The following CROCC variants were observed in gnomAD, a reference collection of about 807,000 sequenced individuals.
CROCC encodes rootletin.
CROCC carries 180 observed loss-of-function variants against 245.2 expected under a neutral mutation model. That is an observed-to-expected ratio of 0.73 (90% CI 0.65 to 0.83). The LOEUF (loss-of-function observed/expected upper bound fraction) is 0.83. Among genes scored for constraint, CROCC ranks in the 40% least tolerant of loss-of-function variants. The probability of loss-of-function intolerance (pLI) is 0.00; values close to 1 mark genes in which losing one functional copy is unlikely to be tolerated. For missense variants in CROCC, 2,688 were observed against 2,779.4 expected (o/e 0.97, Z 0.74); for synonymous variants, 1,205 against 1,241.6 (o/e 0.97, Z 0.62).
At chr1:16,962,341 C>T (rs1010764946) in intron 27 of CROCC, among the ~76,000 whole-genome samples, 8 of 149,572 alleles carry the variant, frequency 5.3e-5, no homozygotes, top group African/African-American at 1.7e-4. Flanking sequence ...GTCAGGAGAT[C>T]GAGACCACAG....
chr1:16,930,576 G>A lies in CROCC; in HGVS notation c.831G>A (p.Ala277=), dbSNP rs374217321. 7.1e-4 allele frequency: 1,148 copies of A among 1,610,496 alleles called. No homozygotes were observed. Among genetic ancestry groups the A allele is most frequent in the South Asian group, 2.7e-3 (247 of 90,636 alleles). Residue 277 remains alanine (A), a synonymous_variant, in exon 7 of 37, where the codon GCG becomes GCA. Transcript: ENST00000375541. ...AGGAGCTGGAGCACCGGGAGGCGGC[G>A]TGGAGGCGCGAGGAGGAGGTGGGCA... ...CRKELEHREA[A]WRREEESFNA...
At chr1:16,939,511 G>T (rs2991723) in intron 12 of CROCC, among the ~76,000 whole-genome samples, 3 of 152,196 alleles carry the variant, frequency 2.0e-5, no homozygotes, top group Admixed American at 6.6e-5. Context: ...AGGGGAATCA[G>T]AGCTTGGGAA....
chr1:16,946,228 T>C (rs564269982), intron 15 of CROCC, 31 bp from the exon 16 acceptor site: 344 of 1,604,620 alleles, frequency 2.1e-4, no homozygotes, highest in Non-Finnish European at 2.7e-4. Context: ...CCTTTCTGCC[T>C]TTCCTCATTT....
At position 16,922,002 on chromosome 1, in the gene CROCC, C is replaced by T. The variant is rs754211720; in HGVS notation, c.-17C>T. 1.3e-6 allele frequency: 2 copies of T among 1,548,114 alleles called. No individual in the cohort carries two copies. Among genetic ancestry groups the T allele is most frequent in the South Asian group, 1.2e-5 (1 of 83,916 alleles). Reference sequence around the variant, plus strand: ...CCTGGAGAAGGGGGCTGGAGGCATGCCCACAGCCTCCCCCCCATGAGCTTG... The same window carrying T: ...CCTGGAGAAGGGGGCTGGAGGCATGTCCACAGCCTCCCCCCCATGAGCTTG... On this transcript the variant is annotated 5_prime_UTR_variant, in exon 1 of 37. Transcript: ENST00000375541.
chr1:16,943,401 G>C (rs1267746415), intron 13 of CROCC, among the ~76,000 whole-genome samples: 1 of 152,228 alleles, frequency 6.6e-6, no homozygotes, highest in Non-Finnish European at 1.5e-5. Context: ...ACCCGGACAT[G>C]GTGGCGGGCG....
At chr1:16,931,129 G>A (rs2075666863) in intron 7 of CROCC, among the ~76,000 whole-genome samples, 162 bp from the exon 8 acceptor site, 1 of 152,300 alleles carries the variant, frequency 6.6e-6, no homozygotes, top group Non-Finnish European at 1.5e-5. Context: ...AGGCTTGGGA[G>A]GCTGAGCATG....
At position 16,966,001 on chromosome 1, in the gene CROCC, C is replaced by A; in HGVS notation, c.4578C>A (p.Asp1526Glu). 1.2e-6 allele frequency: 2 copies of A among 1,612,162 alleles called. No homozygotes were observed. The highest frequency in any genetic ancestry group is 1.7e-6 in the Non-Finnish European group (2 of 1,178,620). The change falls in exon 29 of 37, where the codon GAC becomes GAA. Residue 1526 changes from aspartate to glutamate, a missense_variant and splice_region_variant. By Grantham distance (45) the Asp-to-Glu change is conservative. Around this residue, in one of 9 missense-constraint regions of CROCC, gnomAD observed 1,218 missense variants for 1,286.3 expected, o/e 0.95. Coordinates refer to ENST00000375541, the MANE Select transcript of CROCC (RefSeq NM_014675.5). The surrounding 1 kb of genome is among the most constrained non-coding windows in gnomAD (Gnocchi z 4.8). ...GTTCCCCCATGTCGGGGCTACAGGA[C>A]GAACTTCGGACCCAGACCAGTGCCC... ...QELRSAQRER[D>E]ELRTQTSALN...
chr1:16,921,035 C>T (rs1373079566), upstream of CROCC, among the ~76,000 whole-genome samples: 9 of 152,286 alleles, frequency 5.9e-5, no homozygotes, highest in Non-Finnish European at 1.0e-4. Flanking sequence ...TGAGTGCCTG[C>T]GCCTGGCTGG....
chr1:16,945,640 A>C (rs1322360414), intron 15 of CROCC, 34 bp downstream of exon 15: 1 of 1,598,380 alleles, frequency 6.3e-7, no homozygotes, highest in African/African-American at 1.3e-5. Flanking sequence ...CCACAAACCT[A>C]CCTCTGACCC....
At chr1:16,932,633 C>G (rs2075703090) in intron 8 of CROCC, among the ~76,000 whole-genome samples, 2 of 152,154 alleles carry the variant, frequency 1.3e-5, no homozygotes, top group Admixed American at 1.3e-4. Context: ...GCGCTCCAAG[C>G]AGGAGCAAGG....
chr1:16,970,263 A>T lies in CROCC; in HGVS notation c.5462A>T (p.Gln1821Leu), dbSNP rs2076492613. 7.7e-6 allele frequency: 12 copies of T among 1,557,472 alleles called. No individual in the cohort carries two copies. The highest frequency in any genetic ancestry group is 1.0e-5 in the Non-Finnish European group (12 of 1,147,280). Reference protein sequence around the residue: ...QLQQLREVLRQRQEGEAAALN... With the variant: ...QLQQLREVLRLRQEGEAAALN... ...TGGCTTCTGTTGCAGGTGCTGCGGC[A>T]GCGGCAGGAGGGTGAGGCTGCAGCC... The change falls in exon 34 of 37, where the codon CAG becomes CTG. Residue 1821 changes from glutamine (Q) to leucine (L), a missense_variant. By Grantham distance (113) the Gln-to-Leu change is moderately radical (BLOSUM62 -2). Transcript: ENST00000375541.
intron 1 of CROCC, among the ~76,000 whole-genome samples, chr1:16,915,021 CA>C (rs1473261440): frequency 6.6e-6 from 1 of 152,262 alleles, no homozygotes; most frequent in Non-Finnish European, 1.5e-5. Context: ...CTCCAGGAGT[CA>C]ACCCCTGGAT....
intron 13 of CROCC, among the ~76,000 whole-genome samples, 170 bp downstream of exon 13, chr1:16,940,263 G>A (rs542106184): frequency 6.6e-6 from 1 of 152,246 alleles, no homozygotes; most frequent in East Asian, 1.9e-4. Flanking sequence ...TCGCCCTGTC[G>A]CCCAGGCTGG....
At chr1:16,956,611 T>A (rs578187252) in intron 25 of CROCC, among the ~76,000 whole-genome samples, 1 of 152,234 alleles carries the variant, frequency 6.6e-6, no homozygotes, top group African/African-American at 2.4e-5. Context: ...CAGAGGGGTG[T>A]GGGTTCCAGT....
In CROCC at chr1:16,966,586, A is replaced by G. The variant is rs1048672761; in HGVS notation, c.4860+15A>G. The G allele has an allele frequency of 9.2e-5, 134 of 1,462,632 alleles. No individual in the cohort carries two copies. The highest frequency in any genetic ancestry group is 1.1e-4 in the Non-Finnish European group (126 of 1,109,752). The allele number at this position is 1,462,632 out of a possible 1,614,324, so 90.6% of individuals were successfully genotyped here. A position where few individuals can be genotyped will look rare whatever the true frequency, so the allele number is the denominator to read the frequency against. On this transcript the variant is annotated intron_variant, in intron 30 of 36. Transcript: ENST00000375541. The surrounding 1 kb of genome is among the most constrained non-coding windows in gnomAD (Gnocchi z 4.8). Reference sequence around the variant, plus strand: ...GGGCCAGCCAGGTGGGCAGGAGCTGAGGGCCAGCGGGGCGACGGGGAATCT... The same window carrying G: ...GGGCCAGCCAGGTGGGCAGGAGCTGGGGGCCAGCGGGGCGACGGGGAATCT...
chr1:16,924,215 C>T, intron 2 of CROCC, 110 bp from the exon 3 acceptor site: 1 of 1,347,656 alleles, frequency 7.4e-7, no homozygotes, highest in Non-Finnish European at 1.0e-6. Flanking sequence ...TGCAGCCATT[C>T]CCATCTGGAC....
Position 16,924,334 on chromosome 1 carries a change from C to T in CROCC, c.206C>T (p.Pro69Leu), listed in dbSNP as rs751968635. Residue 69 changes from proline (P) to leucine (L), a missense_variant, in exon 3 of 37, where the codon CCG (proline) becomes CTG (leucine). Physicochemically the swap from Pro to Leu is moderately conservative, Grantham distance 98 (BLOSUM62 -3). Coordinates refer to ENST00000375541, the MANE Select transcript of CROCC (RefSeq NM_014675.5). ...LSQPESPVLL[P>L]ATEMASLLSL... ...CACTGTCCCTTGCCAGTCCTGCTGC[C>T]GGCCACAGAGATGGCATCGCTGCTG... The T allele has an allele frequency of 1.2e-5, 19 of 1,612,328 alleles. No homozygotes were observed. Among genetic ancestry groups the T allele is most frequent in the East Asian group, 4.5e-5 (2 of 44,898 alleles).
intron 33 of CROCC, 141 bp from the exon 34 acceptor site, chr1:16,970,112 G>C: frequency 1.7e-6 from 2 of 1,195,958 alleles, no homozygotes; most frequent in Middle Eastern, 5.4e-4. Flanking sequence ...GAGAGAGACA[G>C]GTTTGGCTTC....
At chr1:16,934,562 G>A (rs373032771) in intron 8 of CROCC, among the ~76,000 whole-genome samples, 34 of 152,334 alleles carry the variant, frequency 2.2e-4, no homozygotes, top group East Asian at 9.6e-4. Context: ...CTTGGCCTCC[G>A]AAAGTGCTGG....
Sources: allele counts gnomAD v4.1 joint callset (sites outside exome capture counted in the v4.1 genomes callset), GRCh38; gene constraint gnomAD v4.1.1; regional missense constraint gnomAD v4.1.1; non-coding constraint Gnocchi (gnomAD v3.1); transcripts MANE v1.5; gene names NCBI Gene and HGNC (gene_info 2026-07-23, HGNC 2026-07-21).